The following ACSM5 variants were observed in gnomAD, a reference collection of about 807,000 sequenced individuals.
The protein encoded by ACSM5 is acyl-coenzyme A synthetase ACSM5, mitochondrial.
A neutral mutation model predicts 71.6 loss-of-function variants in ACSM5; 56 were observed. The observed-to-expected ratio is 0.78, with a 90% CI of 0.63 to 0.98. The LOEUF is 0.98. Ranked by LOEUF, ACSM5 falls within the 50% of genes least tolerant of loss-of-function variation. The pLI, the probability that ACSM5 is intolerant of heterozygous loss-of-function variation, is 0.00. For missense variants in ACSM5, 723 were observed against 726.0 expected, an observed-to-expected ratio of 1.00 and a Z score of 0.05; for synonymous variants, 285 against 281.5, an observed-to-expected ratio of 1.01 and a Z score of -0.12.
At position 20,411,655 on chromosome 16, in the gene ACSM5, T is replaced by C. The variant is rs768987418; in HGVS notation, c.171T>C (p.His57=). ...QLVPEYFNFA[H]DVLDVWSRLE... ...TGCCTGAGTACTTCAACTTCGCCCA[T>C]GATGTGCTGGATGTGTGGAGTCGGC... is the stretch of plus-strand genomic sequence containing the variant. Residue 57 remains histidine, a synonymous_variant, in exon 2 of 14, where the codon CAT becomes CAC. Transcript: ENST00000331849. 17 of 1,613,952 alleles carry C rather than the reference T, an allele frequency of 1.1e-5. No homozygotes were observed. The highest frequency in any genetic ancestry group is 1.4e-5 in the Non-Finnish European group (16 of 1,180,018).
rs567230546 is a variant in ACSM5, at chr16:20,432,629, C to T, written c.1308+1308C>T. Among the ~76,000 whole-genome samples the T allele has an allele frequency of 9.2e-5, 14 of 152,148 alleles. No individual in the cohort carries two copies. In the South Asian group the frequency reaches 2.9e-3, roughly 32 times the overall value. ...AATGCATTCATTCATTATTTATTGT[C>T]GACTTCGTGCCGCTCGGTGTGGAGC... is the stretch of plus-strand genomic sequence containing the variant. On this transcript the variant is annotated intron_variant, in intron 10 of 13. Transcript: ENST00000331849.
At chr16:20,421,212 CTG>C in intron 4 of ACSM5, 44 bp from the exon 5 acceptor site, 11 of 1,515,354 alleles carry the variant, frequency 7.3e-6, no homozygotes, top group Non-Finnish European at 9.8e-6. Flanking sequence ...GTGCTACTAA[CTG>C]TTTTTACCGT....
rs182198081 is a variant in ACSM5 at position 20,410,684 on chromosome 16, C to T, written c.-15-786C>T. The stretch of plus-strand genomic sequence containing the variant: ...GAGGCTGCAGTGAGCTATGATGGCA[C>T]CACCGTACTCTAGCCTGGGCAGCAG... On this transcript the variant is annotated intron_variant, in intron 1 of 13. Transcript: ENST00000331849. Among the ~76,000 whole-genome samples the T allele has an allele frequency of 2.6e-4, 40 of 152,102 alleles. 1 individual carries two copies. The highest frequency in any genetic ancestry group is 2.0e-3 in the Admixed American group (31 of 15,286).
intron 6 of ACSM5, 25 bp downstream of exon 6, chr16:20,424,094 C>T (rs1281323260): frequency 6.2e-7 from 1 of 1,612,464 alleles, no homozygotes; most frequent in Non-Finnish European, 8.5e-7. Flanking sequence ...CAACAATACC[C>T]CATATGTGTT....
chr16:20,428,670 A>G (rs1468051785), intron 7 of ACSM5, among the ~76,000 whole-genome samples: 3 of 152,190 alleles, frequency 2.0e-5, no homozygotes, highest in Admixed American at 6.5e-5. Context: ...TTCTTCTCCA[A>G]TGTAAGAAAA....
rs1261992110 is a variant in ACSM5 at position 20,427,642 on chromosome 16, T to C, written c.922-146T>C. 40 of 694,122 alleles carry C rather than the reference T, an allele frequency of 5.8e-5. 1 individual carries two copies. In the Admixed American group the frequency reaches 8.0e-4, roughly 14 times the overall value. The allele number at this position is 694,122 out of a possible 1,614,324, so 43.0% of individuals were successfully genotyped here. On this transcript the variant is annotated intron_variant, in intron 6 of 13. Coordinates refer to ENST00000331849, the MANE Select transcript of ACSM5 (RefSeq NM_017888.3). ...GCACATGCCAGGAAGTAGGAGTCAC[T>C]GGACACCATCTTGGCTGCTGGATTC...
intron 10 of ACSM5, among the ~76,000 whole-genome samples, chr16:20,436,547 C>G (rs539986359): frequency 8.0e-4 from 121 of 152,132 alleles, no homozygotes; most frequent in African/African-American, 2.8e-3. Context: ...ATTTTTTTGT[C>G]TTTAGTAGAG....
intron 1 of ACSM5, 44 bp downstream of exon 1, chr16:20,409,709 C>T (rs1966843720): frequency 6.6e-6 from 1 of 152,142 alleles, no homozygotes; most frequent in African/African-American, 2.4e-5. Context: ...TCAGCTGCCT[C>T]TGAGGCCTTT....
chr16:20,427,750 G>T lies in ACSM5; in HGVS notation c.922-38G>T, dbSNP rs755797783. ...TCCATCTTCATGGTCCCACCCCAAT[G>T]ATTCTAAGGACATCTTTCACCCTTT... On this transcript the variant is annotated intron_variant, in intron 6 of 13. Transcript: ENST00000331849. 3 of 1,415,820 alleles carry T rather than the reference G, an allele frequency of 2.1e-6. No individual in the cohort carries two copies. In the South Asian group the frequency reaches 3.5e-5, roughly 16 times the overall value. 87.7% of individuals were successfully genotyped at this position (1,415,820 alleles called of 1,614,324 possible).
At chr16:20,433,682 A>AT (rs11297709) in intron 10 of ACSM5, among the ~76,000 whole-genome samples, 8 of 151,236 alleles carry the variant, frequency 5.3e-5, no homozygotes, top group Admixed American at 2.0e-4. Flanking sequence ...ATTTAATACA[A>AT]TTTTTTTTTG....
chr16:20,413,641 C>A (rs1378362614), intron 2 of ACSM5, among the ~76,000 whole-genome samples: 6 of 152,148 alleles, frequency 3.9e-5, no homozygotes, highest in African/African-American at 9.7e-5. Flanking sequence ...TTAAAAAATT[C>A]TATTGTATTC....
chr16:20,434,841 G>C (rs538995882), intron 10 of ACSM5, among the ~76,000 whole-genome samples: 1 of 152,294 alleles, frequency 6.6e-6, no homozygotes, highest in South Asian at 2.1e-4. Context: ...TCACATGTGG[G>C]AGAACAACTC....
intron 5 of ACSM5, among the ~76,000 whole-genome samples, chr16:20,421,639 A>G (rs755980741): frequency 1.6e-5 from 2 of 128,914 alleles, no homozygotes; most frequent in Admixed American, 7.6e-5. Flanking sequence ...ATATATATAT[A>G]TATATATATA....
chr16:20,417,594 T>C (rs1191786320), intron 2 of ACSM5, among the ~76,000 whole-genome samples: 1 of 152,210 alleles, frequency 6.6e-6, no homozygotes, highest in African/African-American at 2.4e-5. Context: ...TGTTTCTTTT[T>C]AGGGCAATAA....
intron 4 of ACSM5, among the ~76,000 whole-genome samples, chr16:20,420,611 C>CA (rs200705176): frequency 0.045 from 6,746 of 151,256 alleles, 158 homozygotes; most frequent in South Asian, 0.061. Context: ...AAAAACAAAA[C>CA]AAAAAAAAAT....
intron 10 of ACSM5, 40 bp downstream of exon 10, chr16:20,431,361 T>C (rs753556837): frequency 4.0e-6 from 6 of 1,500,106 alleles, no homozygotes; most frequent in Non-Finnish European, 5.6e-6. Flanking sequence ...ACAGTGACTG[T>C]GTGCTAAGCA....
At position 20,413,161 on chromosome 16, in the gene ACSM5, G is replaced by A. The variant is rs188781210; in HGVS notation, c.204+1473G>A. Among the ~76,000 whole-genome samples, 610 of 152,248 alleles carry A rather than the reference G, an allele frequency of 4.0e-3. 2 individuals carry two copies. Among genetic ancestry groups the A allele is most frequent in the Non-Finnish European group, 5.6e-3 (382 of 68,022 alleles). Reference sequence around the variant, plus strand: ...CAGGATGCTCCATTCCTGATGGCCTGCAAAAATCTAAGTTCTTTTTGCAAT... The same window carrying A: ...CAGGATGCTCCATTCCTGATGGCCTACAAAAATCTAAGTTCTTTTTGCAAT... On this transcript the variant is annotated intron_variant, in intron 2 of 13. Coordinates refer to ENST00000331849, the MANE Select transcript of ACSM5 (RefSeq NM_017888.3).
intron 10 of ACSM5, among the ~76,000 whole-genome samples, chr16:20,433,375 G>A (rs553790806): frequency 3.9e-5 from 6 of 152,230 alleles, no homozygotes; most frequent in South Asian, 2.1e-4. Context: ...GAATATGCCC[G>A]TGTCAACTGT....
At chr16:20,434,435 T>G (rs1967155842) in intron 10 of ACSM5, among the ~76,000 whole-genome samples, 1 of 152,232 alleles carries the variant, frequency 6.6e-6, no homozygotes, top group African/African-American at 2.4e-5. Context: ...TGCTCACGAC[T>G]GTAATCCTAG....
Sources: gnomAD v4.1 joint callset for allele counts (sites outside exome capture counted in the v4.1 genomes callset) on GRCh38, gnomAD v4.1.1 for gene constraint, MANE v1.5 for transcripts, NCBI Gene and HGNC (gene_info 2026-07-23, HGNC 2026-07-21) for gene names.